The following ANKRD26 variants were observed in gnomAD, a reference collection of about 807,000 sequenced individuals.
ANKRD26 encodes ankyrin repeat domain 26.
Under a neutral mutation model 208.7 loss-of-function variants are expected in ANKRD26, and 141 were observed. The ratio of observed to expected loss-of-function variants is 0.68; its 90% CI spans 0.59 to 0.78. ANKRD26 has a LOEUF of 0.78. Among genes scored for constraint, ANKRD26 ranks in the 30% least tolerant of loss-of-function variants. ANKRD26 has a pLI of 0.00. For missense variants in ANKRD26, 1,889 were observed against 1,938.7 expected, an observed-to-expected ratio of 0.97 and a Z score of 0.48; for synonymous variants, 636 against 660.4, an observed-to-expected ratio of 0.96 and a Z score of 0.57.
intron 25 of ANKRD26, chr10:27,030,328 T>C: frequency 2.1e-6 from 2 of 931,992 alleles, no homozygotes; most frequent in Non-Finnish European, 2.6e-6. Flanking sequence ...TTCTCTCTGC[T>C]TTACTCAGTG....
At chr10:27,018,342 G>A (rs1388213240) in intron 29 of ANKRD26, among the ~76,000 whole-genome samples, 1 of 151,608 alleles carries the variant, frequency 6.6e-6, no homozygotes, top group Non-Finnish European at 1.5e-5. Flanking sequence ...CACCATGTTA[G>A]CCAGGATGGT....
chr10:26,981,353 T>C (rs2052305611), intron 4 of ANKRD26, among the ~76,000 whole-genome samples: 4 of 152,230 alleles, frequency 2.6e-5, no homozygotes, highest in Non-Finnish European at 1.5e-5. Flanking sequence ...GTCTTTGTGC[T>C]GTGTGCTGAA....
At chr10:27,087,774 G>A (rs190629619) in intron 4 of ANKRD26, among the ~76,000 whole-genome samples, 2 of 152,192 alleles carry the variant, frequency 1.3e-5, no homozygotes, top group African/African-American at 4.8e-5. Context: ...TCCAACTGAC[G>A]TGGAAAACAA....
downstream of ANKRD26, among the ~76,000 whole-genome samples, chr10:27,000,086 C>G (rs189817141): frequency 1.5e-3 from 231 of 152,154 alleles, no homozygotes; most frequent in African/African-American, 5.1e-3. Flanking sequence ...TGATGGAAAC[C>G]AGCTGAAACT....
intron 29 of ANKRD26, 75 bp downstream of exon 29, chr10:27,022,483 T>C (rs2053522558): frequency 1.7e-6 from 2 of 1,173,154 alleles, no homozygotes; most frequent in Non-Finnish European, 2.4e-6. Flanking sequence ...TTTATTTCAC[T>C]GTTCAAAGCA....
the ANKRD26 span, among the ~76,000 whole-genome samples, chr10:26,961,256 G>A: frequency 6.7e-6 from 1 of 149,440 alleles, no homozygotes; most frequent in East Asian, 1.9e-4. Flanking sequence ...CAACATGCAA[G>A]ATCTTCAATC....
intron 17 of ANKRD26, among the ~76,000 whole-genome samples, chr10:27,047,480 G>T (rs993391493): frequency 6.6e-5 from 10 of 151,744 alleles, no homozygotes; most frequent in Non-Finnish European, 7.4e-5. Flanking sequence ...AATTAGCCTG[G>T]TGTGGTGGTG....
intron 1 of ANKRD26, among the ~76,000 whole-genome samples, chr10:27,094,896 A>T (rs2056416604): frequency 6.6e-6 from 1 of 151,908 alleles, no homozygotes; most frequent in Admixed American, 6.6e-5. Flanking sequence ...GCTACTCAGG[A>T]GGCTAAGGCC....
intron 21 of ANKRD26, 131 bp from the exon 22 acceptor site, chr10:27,038,185 T>G (rs1382328896): frequency 2.6e-6 from 2 of 769,728 alleles, no homozygotes; most frequent in Non-Finnish European, 4.1e-6. Context: ...TTTTCCTTTC[T>G]AGTTCTCTGA....
chr10:27,040,203 G>A (rs2054185117), intron 20 of ANKRD26, 25 bp from the exon 21 acceptor site: 3 of 1,535,478 alleles, frequency 2.0e-6, no homozygotes, highest in Non-Finnish European at 2.7e-6. Context: ...AAACAAGATA[G>A]AAATATATGA....
rs71386906 is a variant in ANKRD26, at chr10:27,071,159, A to ATTT, written c.1078-3876_1078-3874dup. Among the ~76,000 whole-genome samples the ATTT allele has an allele frequency of 5.6e-3, 479 of 85,836 alleles. 13 individuals carry two copies. The highest frequency in any genetic ancestry group is 1.0e-2 in the African/African-American group (196 of 19,614). The allele number at this position is 85,836 out of a possible 152,430, so 56.3% of individuals were successfully genotyped here. On this transcript the variant is annotated intron_variant, in intron 9 of 33. Transcript: ENST00000376087. ...GCAGAAATAAACAATTGCTACATTC[A>ATTT]TTTTTTTTTTTTTTTTTTTTTTTTG...
the ANKRD26 span, among the ~76,000 whole-genome samples, chr10:26,951,867 T>C: frequency 6.6e-6 from 1 of 152,264 alleles, no homozygotes; most frequent in Admixed American, 6.5e-5. Context: ...CCTCTCAGGA[T>C]AAGCTAATTG....
chr10:27,014,682 C>T lies in ANKRD26; in HGVS notation c.4536G>A (p.Glu1512=), dbSNP rs745545954. The part of the protein sequence containing the change: ...QAQAASQENL[E]QFRENNFASM... ...AAGCAAAATTATTCTCTCTAAACTG[C>T]TCTAAGTTTTCTTGAGATGCTGCTT... The change falls in exon 31 of 34, where the codon GAG becomes GAA. Residue 1512 remains glutamate, a synonymous_variant. Transcript: ENST00000376087. 1.2e-6 allele frequency: 2 copies of T among 1,612,944 alleles called. No individual in the cohort carries two copies. Among genetic ancestry groups the T allele is most frequent in the Non-Finnish European group, 1.7e-6 (2 of 1,179,678 alleles).
At chr10:26,971,192 T>C (rs561011589), downstream of ANKRD26, among the ~76,000 whole-genome samples, 8 of 152,144 alleles carry the variant, frequency 5.3e-5, no homozygotes, top group African/African-American at 9.7e-5. Flanking sequence ...GAGACCAACC[T>C]GGCCATCATG....
At chr10:27,059,896 A>C (rs1390555728) in intron 15 of ANKRD26, among the ~76,000 whole-genome samples, 2 of 149,862 alleles carry the variant, frequency 1.3e-5, no homozygotes, top group Non-Finnish European at 3.0e-5. Flanking sequence ...CTCTGTATCA[A>C]AACAAAAAAC....
At chr10:27,079,319 TA>T (rs1316044860) in intron 6 of ANKRD26, among the ~76,000 whole-genome samples, 158 bp from the exon 7 acceptor site, 7 of 152,218 alleles carry the variant, frequency 4.6e-5, no homozygotes, top group African/African-American at 1.7e-4. Flanking sequence ...TTGATCTAAT[TA>T]AAATTTGATC....
chr10:27,018,432 C>T (rs2053378603), intron 29 of ANKRD26, among the ~76,000 whole-genome samples: 1 of 152,078 alleles, frequency 6.6e-6, no homozygotes, highest in Non-Finnish European at 1.5e-5. Flanking sequence ...CTGCTCCCAG[C>T]CCCAACATGC....
At position 27,061,204 on chromosome 10, in the gene ANKRD26, T is replaced by C; in HGVS notation, c.1402A>G (p.Asn468Asp). The change falls in exon 13 of 34, where the codon AAC becomes GAC. Residue 468 changes from asparagine (N) to aspartate (D), a missense_variant. Physicochemically the swap from Asn to Asp is conservative, Grantham distance 23. Transcript: ENST00000376087. ...TCCTCTAGTTTAGCCATCTTAAAGT[T>C]TCTTGATCCACTCATGCAAGAAGGT... Reference protein sequence around the residue: ...YIPSCMSGSRNFKMAKLEDTR... With the variant: ...YIPSCMSGSRDFKMAKLEDTR... 6.2e-7 allele frequency: 1 copy of C among 1,612,080 alleles called. No individual in the cohort carries two copies. The highest frequency in any genetic ancestry group is 8.5e-7 in the Non-Finnish European group (1 of 1,178,482).
chr10:27,074,683 A>T (rs986472351), intron 9 of ANKRD26, among the ~76,000 whole-genome samples: 4 of 152,188 alleles, frequency 2.6e-5, no homozygotes, highest in Non-Finnish European at 4.4e-5. Context: ...CGAGGGGGGA[A>T]AAGAAAAAAA....
Sources: gnomAD v4.1 joint callset for allele counts (sites outside exome capture counted in the v4.1 genomes callset) on GRCh38, gnomAD v4.1.1 for gene constraint, MANE v1.5 for transcripts, NCBI Gene and HGNC (gene_info 2026-07-23, HGNC 2026-07-21) for gene names.